The following RTTN variants were observed in gnomAD, a reference collection of about 807,000 sequenced individuals.
The protein encoded by RTTN is rotatin.
In RTTN, 182 loss-of-function variants were observed where a neutral mutation model predicts 269.2. That is an observed-to-expected ratio of 0.68 (90% CI 0.60 to 0.76). The LOEUF is 0.76. Among genes scored for constraint, RTTN ranks in the 30% least tolerant of loss-of-function variants. RTTN has a pLI of 0.00. For missense variants in RTTN, 2,545 were observed against 2,608.6 expected, an observed-to-expected ratio of 0.98 and a Z score of 0.53; for synonymous variants, 1,006 against 963.5, an observed-to-expected ratio of 1.04 and a Z score of -0.82.
intron 34 of RTTN, among the ~76,000 whole-genome samples, chr18:70,069,007 G>T (rs1599375448): frequency 1.3e-5 from 2 of 152,222 alleles, no homozygotes; most frequent in African/African-American, 4.8e-5. Context: ...GTTGCTAGGG[G>T]ATAGGAGCTG....
At chr18:70,111,468 G>A (rs2059464661) in intron 27 of RTTN, among the ~76,000 whole-genome samples, 1 of 152,118 alleles carries the variant, frequency 6.6e-6, no homozygotes, top group South Asian at 2.1e-4. Flanking sequence ...CAGCACATGG[G>A]CCTGTCAGAA....
rs531741265 is a variant in RTTN, at chr18:70,086,694, T to TAAAAAAAAA, written c.4303-19_4303-11dup. The TAAAAAAAAA allele has an allele frequency of 1.0e-5, 5 of 487,790 alleles. No individual in the cohort carries two copies. The highest frequency in any genetic ancestry group is 9.2e-5 in the African/African-American group (2 of 21,678). 30.2% of individuals were successfully genotyped at this position (487,790 alleles called of 1,614,324 possible). The stretch of plus-strand genomic sequence containing the variant: ...GAAGAATAAATGCCGCCTGAAAATG[T>TAAAAAAAAA]AAAAAAAAAAAAAAAAAAAAAAAAA... On this transcript the variant is annotated splice_polypyrimidine_tract_variant and intron_variant, in intron 31 of 48. Transcript: ENST00000640769.
At chr18:70,184,710 T>G (rs922763830) in intron 10 of RTTN, among the ~76,000 whole-genome samples, 5,732 of 56,858 alleles carry the variant, frequency 0.1, 453 homozygotes, top group African/African-American at 0.23. Context: ...CAGGTTTTTT[T>G]TTTTTTTGTG....
At chr18:70,205,480 G>C in intron 1 of RTTN, 148 bp downstream of exon 1, 1 of 1,324,224 alleles carries the variant, frequency 7.6e-7, no homozygotes, top group African/African-American at 1.4e-5. Flanking sequence ...CAAAGTCCGA[G>C]ATGGGTCCCC....
chr18:70,127,791 A>G, intron 24 of RTTN, 50 bp from the exon 25 acceptor site: 1 of 1,495,830 alleles, frequency 6.7e-7, no homozygotes, highest in South Asian at 1.2e-5. Flanking sequence ...TATTTAAATA[A>G]AAGCTCACAC....
intron 3 of RTTN, among the ~76,000 whole-genome samples, chr18:70,202,857 A>C (rs956987641): frequency 3.3e-5 from 5 of 152,192 alleles, no homozygotes; most frequent in African/African-American, 1.2e-4. Context: ...CCACAACAAA[A>C]CTCAATAAAT....
chr18:70,154,702 A>G (rs1480176710), intron 14 of RTTN, among the ~76,000 whole-genome samples: 1 of 152,064 alleles, frequency 6.6e-6, no homozygotes, highest in Non-Finnish European at 1.5e-5. Flanking sequence ...TACAGTCGAC[A>G]TGTCATTTCA....
chr18:70,045,871 TAA>T (rs2057476450), intron 40 of RTTN, among the ~76,000 whole-genome samples: 1 of 152,190 alleles, frequency 6.6e-6, no homozygotes, highest in Admixed American at 6.5e-5. Context: ...TTTAGAGAAA[TAA>T]AGAGGAAAAT....
chr18:70,184,695 C>T (rs1238316885), intron 10 of RTTN, among the ~76,000 whole-genome samples: 2 of 93,346 alleles, frequency 2.1e-5, no homozygotes, highest in African/African-American at 3.6e-5. Context: ...CATTCAAAAC[C>T]ACAGCAGGTT....
At position 70,075,545 on chromosome 18, in the gene RTTN, T is replaced by C. The variant is rs546429346; in HGVS notation, c.4375-4A>G. 10 of 1,554,244 alleles carry C rather than the reference T, an allele frequency of 6.4e-6. No homozygotes were observed. The East Asian group carries it at 1.2e-4, about 18-fold the overall frequency. ...CCTCATCATGAACACAGGGACCCTGTAGGAAGAGAGGGAAAGAAGGAGGAG... is the reference window on the plus strand; with the variant it reads ...CCTCATCATGAACACAGGGACCCTGCAGGAAGAGAGGGAAAGAAGGAGGAG... On this transcript the variant is annotated splice_polypyrimidine_tract_variant and splice_region_variant and intron_variant, in intron 32 of 48. Coordinates refer to ENST00000640769, the MANE Select transcript of RTTN (RefSeq NM_173630.4).
chr18:70,020,483 C>T (rs1367550560), intron 45 of RTTN, 132 bp downstream of exon 45: 2 of 893,926 alleles, frequency 2.2e-6, no homozygotes, highest in East Asian at 2.4e-5. Flanking sequence ...AACCTCTTAA[C>T]CCTTTTATAA....
In RTTN at chr18:70,065,926, T is replaced by G; in HGVS notation, c.4654-4A>C. The G allele has an allele frequency of 1.3e-6, 2 of 1,573,010 alleles. No homozygotes were observed. The highest frequency in any genetic ancestry group is 1.7e-6 in the Non-Finnish European group (2 of 1,156,310). On this transcript the variant is annotated splice_polypyrimidine_tract_variant and splice_region_variant and intron_variant, in intron 34 of 48. Transcript: ENST00000640769. Reference sequence around the variant, plus strand: ...TACTCCCCAATGAAGGTGCCACCTATGAATCAGTAAATTATTTTACTTATT... The same window carrying G: ...TACTCCCCAATGAAGGTGCCACCTAGGAATCAGTAAATTATTTTACTTATT...
At chr18:70,021,085 A>G (rs2056691607) in intron 44 of RTTN, 1 of 314,000 alleles carries the variant, frequency 3.2e-6, no homozygotes. Context: ...AGGGTTTTTA[A>G]TAGTTGCTAA....
chr18:70,146,071 C>T (rs568235000), intron 17 of RTTN, among the ~76,000 whole-genome samples: 6 of 152,116 alleles, frequency 3.9e-5, no homozygotes, highest in Non-Finnish European at 2.9e-5. Flanking sequence ...ATAAGTACAT[C>T]TGCGAATTAA....
intron 4 of RTTN, among the ~76,000 whole-genome samples, 157 bp downstream of exon 4, chr18:70,201,737 G>A (rs1028814568): frequency 2.7e-5 from 4 of 149,880 alleles, no homozygotes; most frequent in Admixed American, 1.3e-4. Context: ...ATTTCTACTC[G>A]ATATCCTAAA....
At position 70,099,650 on chromosome 18, in the gene RTTN, T is replaced by C. The variant is rs558009456; in HGVS notation, c.3904-6846A>G. On this transcript the variant is annotated intron_variant, in intron 28 of 48. Coordinates refer to ENST00000640769, the MANE Select transcript of RTTN (RefSeq NM_173630.4). ...TTTTGGTATTTTAGTCATGAAGTCC[T>C]TGCCCATGCCTATGTCCTGAATGGT... Among the ~76,000 whole-genome samples, 23 of 152,332 alleles carry C rather than the reference T, an allele frequency of 1.5e-4. No homozygotes were observed. The South Asian group carries it at 4.1e-3, about 27-fold the overall frequency.
intron 7 of RTTN, among the ~76,000 whole-genome samples, chr18:70,195,269 C>T (rs1380352139): frequency 6.6e-6 from 1 of 152,220 alleles, no homozygotes; most frequent in Non-Finnish European, 1.5e-5. Flanking sequence ...CTTCGAGTGA[C>T]GATTCCTTGT....
chr18:70,131,518 T>A (rs1178700557), intron 23 of RTTN: 1 of 151,662 alleles, frequency 6.6e-6, no homozygotes, highest in Non-Finnish European at 1.5e-5. Context: ...AATAATCATC[T>A]GTATAAAATA....
chr18:70,205,042 A>G (rs2062041400), intron 2 of RTTN, 86 bp downstream of exon 2: 3 of 1,373,248 alleles, frequency 2.2e-6, no homozygotes, highest in African/African-American at 2.9e-5. Flanking sequence ...AACCCCAATT[A>G]TTTAACTTTC....
Sources: allele counts gnomAD v4.1 joint callset (sites outside exome capture counted in the v4.1 genomes callset), GRCh38; gene constraint gnomAD v4.1.1; transcripts MANE v1.5; gene names NCBI Gene and HGNC (gene_info 2026-07-23, HGNC 2026-07-21).